The following UBASH3B variants were observed in gnomAD, a reference collection of about 807,000 sequenced individuals.
UBASH3B encodes ubiquitin associated and SH3 domain containing B.
A neutral mutation model predicts 83.4 loss-of-function variants in UBASH3B; 37 were observed. The ratio of observed to expected loss-of-function variants is 0.44; its 90% confidence interval spans 0.34 to 0.58. UBASH3B has a LOEUF of 0.58. UBASH3B is among the 20% of genes least tolerant of loss of function. UBASH3B has a pLI of 0.01. For missense variants in UBASH3B, 657 were observed against 827.2 expected, an observed-to-expected ratio of 0.79 and a Z score of 2.52; for synonymous variants, 304 against 318.3, an observed-to-expected ratio of 0.96 and a Z score of 0.48.
chr11:122,682,745 C>A lies in UBASH3B; in HGVS notation c.161+26535C>A, dbSNP rs10892880. ...AGCTGCACCAAGCCCAGCACTGTCA[C>A]GGGGAAGCTTGCTCTGTAGAATTCA... On this transcript the variant is annotated intron_variant, in intron 1 of 13. Transcript: ENST00000284273. Among the ~76,000 whole-genome samples, 3 of 152,120 alleles carry A rather than the reference C, an allele frequency of 2.0e-5. No individual in the cohort carries two copies. In the East Asian group the frequency reaches 5.8e-4, roughly 29 times the overall value.
At chr11:122,661,292 A>C (rs1258378187) in intron 1 of UBASH3B, among the ~76,000 whole-genome samples, 2 of 152,232 alleles carry the variant, frequency 1.3e-5, no homozygotes, top group Admixed American at 1.3e-4. Context: ...GCTATGCCTC[A>C]CTGCCCAAAG....
intron 1 of UBASH3B, among the ~76,000 whole-genome samples, chr11:122,701,997 G>A (rs1864044922): frequency 1.3e-5 from 2 of 152,162 alleles, no homozygotes; most frequent in Admixed American, 6.6e-5. Context: ...GGGATTACAA[G>A]TGTGAACCAC....
intron 1 of UBASH3B, among the ~76,000 whole-genome samples, chr11:122,684,877 C>T (rs1215946200): frequency 1.3e-5 from 2 of 152,148 alleles, no homozygotes; most frequent in Non-Finnish European, 2.9e-5. Flanking sequence ...AGATTACAGG[C>T]GTAAGCCACT....
At chr11:122,741,548 C>T (rs751416129) in intron 1 of UBASH3B, among the ~76,000 whole-genome samples, 6 of 152,172 alleles carry the variant, frequency 3.9e-5, no homozygotes, top group Non-Finnish European at 8.8e-5. Context: ...TCCAGAGGAA[C>T]TGCGTGAGTG....
chr11:122,796,058 G>A (rs927294492), intron 7 of UBASH3B, 98 bp from the exon 8 acceptor site: 1 of 1,522,462 alleles, frequency 6.6e-7, no homozygotes, highest in Admixed American at 1.7e-5. Context: ...TACCTTGGCA[G>A]AACTTTGGTA....
intron 1 of UBASH3B, among the ~76,000 whole-genome samples, chr11:122,690,962 G>A (rs2135919561): frequency 6.6e-6 from 1 of 152,310 alleles, no homozygotes; most frequent in Non-Finnish European, 1.5e-5. Context: ...AGCCCAGAGT[G>A]CTTAAATGGT....
intron 1 of UBASH3B, among the ~76,000 whole-genome samples, chr11:122,716,803 A>G (rs1860533143): frequency 6.6e-6 from 1 of 152,124 alleles, no homozygotes; most frequent in South Asian, 2.1e-4. Context: ...AGACCAGGCT[A>G]AAGAGGGGAG....
intron 1 of UBASH3B, among the ~76,000 whole-genome samples, chr11:122,715,804 AAGAG>A (rs950345829): frequency 5.9e-5 from 9 of 152,180 alleles, no homozygotes; most frequent in Non-Finnish European, 1.0e-4. Context: ...TGTAACCACA[AAGAG>A]AGAGGTCTCC....
chr11:122,800,383 C>CAAAAAAA (rs540359065), intron 10 of UBASH3B, among the ~76,000 whole-genome samples: 4 of 76,668 alleles, frequency 5.2e-5, no homozygotes, highest in South Asian at 8.9e-4. Flanking sequence ...ACTAAAAATA[C>CAAAAAAA]AAAAAAAAAA....
intron 4 of UBASH3B, chr11:122,782,806 A>G (rs929708725): frequency 4.4e-6 from 2 of 452,184 alleles, no homozygotes; most frequent in Non-Finnish European, 7.8e-6. Context: ...GACTGCCCTC[A>G]GCTGACCCGC....
chr11:122,747,093 G>C (rs1224786300), intron 1 of UBASH3B, among the ~76,000 whole-genome samples: 1 of 152,218 alleles, frequency 6.6e-6, no homozygotes, highest in Non-Finnish European at 1.5e-5. Context: ...TCACCGGAGA[G>C]GCAGCTGGGC....
At position 122,744,898 on chromosome 11, in the gene UBASH3B, T is replaced by C. The variant is rs1364978507; in HGVS notation, c.162-31321T>C. ...CTGTGTGTGTGTGTGTGTGTGTGTG[T>C]GCGCGCGCGCGCGCACTTGGGCACG... On this transcript the variant is annotated intron_variant, in intron 1 of 13. Coordinates refer to ENST00000284273, the MANE Select transcript of UBASH3B (RefSeq NM_032873.5). 3.1e-4 allele frequency among the ~76,000 whole-genome samples: 33 copies of C among 107,924 alleles called. No homozygotes were observed. The East Asian group carries it at 3.7e-3, about 12-fold the overall frequency. The allele number at this position is 107,924 out of a possible 152,430, so 70.8% of individuals were successfully genotyped here. A position where few individuals can be genotyped will look rare whatever the true frequency, so the allele number is the denominator to read the frequency against.
chr11:122,808,928 G>A (rs896338045), intron 13 of UBASH3B, among the ~76,000 whole-genome samples: 9 of 151,774 alleles, frequency 5.9e-5, no homozygotes, highest in Non-Finnish European at 1.3e-4. Context: ...CAACTGAAGT[G>A]AGGGAGAGCA....
chr11:122,736,021 A>G (rs1295012156), intron 1 of UBASH3B, among the ~76,000 whole-genome samples: 1 of 152,206 alleles, frequency 6.6e-6, no homozygotes, highest in Non-Finnish European at 1.5e-5. Flanking sequence ...GGGAGAGAAG[A>G]CAGGAAACCA....
At chr11:122,686,556 G>C (rs1270525645) in intron 1 of UBASH3B, among the ~76,000 whole-genome samples, 1 of 152,166 alleles carries the variant, frequency 6.6e-6, no homozygotes, top group Non-Finnish European at 1.5e-5. Context: ...TTGGGGGCTG[G>C]ATCTGTGCAG....
chr11:122,692,560 C>T (rs187813148), intron 1 of UBASH3B, among the ~76,000 whole-genome samples: 1 of 152,280 alleles, frequency 6.6e-6, no homozygotes, highest in East Asian at 1.9e-4. Context: ...GCACCCTTGG[C>T]TTGGAGAATG....
At chr11:122,748,137 A>G (rs1861148234) in intron 1 of UBASH3B, among the ~76,000 whole-genome samples, 1 of 152,238 alleles carries the variant, frequency 6.6e-6, no homozygotes, top group South Asian at 2.1e-4. Flanking sequence ...ACATTGTGGC[A>G]AATAAGAAAA....
At chr11:122,719,847 C>T (rs1860591842) in intron 1 of UBASH3B, among the ~76,000 whole-genome samples, 1 of 152,192 alleles carries the variant, frequency 6.6e-6, no homozygotes, top group Non-Finnish European at 1.5e-5. Flanking sequence ...ATTCCATCCT[C>T]CATCAGCAGC....
At chr11:122,725,438 AACCGT>A (rs1298561719) in intron 1 of UBASH3B, among the ~76,000 whole-genome samples, 3 of 151,866 alleles carry the variant, frequency 2.0e-5, no homozygotes, top group African/African-American at 7.3e-5. Flanking sequence ...GCCCAACCTT[AACCGT>A]GGTCAGGAGG....
Sources: gnomAD v4.1 joint callset for allele counts (sites outside exome capture counted in the v4.1 genomes callset) on GRCh38, gnomAD v4.1.1 for gene constraint, MANE v1.5 for transcripts, NCBI Gene and HGNC (gene_info 2026-07-23, HGNC 2026-07-21) for gene names.